The following SLCO5A1 variants were observed in gnomAD, a reference collection of about 807,000 sequenced individuals.
SLCO5A1 encodes the protein solute carrier organic anion transporter family member 5A1, also known as organic anion transporter polypeptide-related protein 4.
In SLCO5A1, 39 loss-of-function variants were observed where a neutral mutation model predicts 65.1. The observed-to-expected ratio is 0.60, with a 90% CI of 0.46 to 0.78. The LOEUF (loss-of-function observed/expected upper bound fraction) is 0.78, where lower values mean the gene tolerates loss of function less well. Ranked by LOEUF, SLCO5A1 falls within the 30% of genes least tolerant of loss-of-function variation. SLCO5A1 has a pLI of 0.00. For synonymous variants in SLCO5A1, 438 were observed against 415.7 expected (o/e 1.05, Z -0.65); for missense variants, 1,029 against 1,069.4 (o/e 0.96, Z 0.53).
chr8:69,783,417 C>T (rs1818885398), intron 2 of SLCO5A1, among the ~76,000 whole-genome samples: 2 of 151,882 alleles, frequency 1.3e-5, no homozygotes, highest in African/African-American at 2.4e-5. Flanking sequence ...AGCAAAACAC[C>T]TCATGTACTC....
At chr8:69,691,240 T>C (rs1323074117) in intron 6 of SLCO5A1, among the ~76,000 whole-genome samples, 1 of 152,176 alleles carries the variant, frequency 6.6e-6, no homozygotes, top group East Asian at 1.9e-4. Flanking sequence ...AATGTAATTA[T>C]GTGAGTTGGA....
chr8:69,692,972 C>G (rs940887929), intron 6 of SLCO5A1, among the ~76,000 whole-genome samples: 5 of 152,226 alleles, frequency 3.3e-5, no homozygotes, highest in Non-Finnish European at 7.3e-5. Context: ...GTACTCTACA[C>G]AACTACATGT....
intron 2 of SLCO5A1, among the ~76,000 whole-genome samples, chr8:69,793,568 C>T (rs912161417): frequency 6.6e-6 from 1 of 151,894 alleles, no homozygotes; most frequent in Admixed American, 6.6e-5. Context: ...CTCTTGAGGT[C>T]AGGAGTTTGA....
At chr8:69,811,908 C>T (rs1393831670) in intron 2 of SLCO5A1, among the ~76,000 whole-genome samples, 1 of 152,166 alleles carries the variant, frequency 6.6e-6, no homozygotes, top group Non-Finnish European at 1.5e-5. Flanking sequence ...GAATTCAAAC[C>T]GAGGCAGCTG....
intron 3 of SLCO5A1, among the ~76,000 whole-genome samples, chr8:69,760,435 G>A (rs1177380444): frequency 1.3e-5 from 2 of 152,096 alleles, no homozygotes; most frequent in Non-Finnish European, 2.9e-5. Context: ...AAAATCAATA[G>A]TGTTAAACAT....
intron 2 of SLCO5A1, among the ~76,000 whole-genome samples, chr8:69,823,925 T>C (rs1820756942): frequency 6.6e-6 from 1 of 151,938 alleles, no homozygotes; most frequent in Non-Finnish European, 1.5e-5. Flanking sequence ...TAACAAACTG[T>C]CTCTCAGACC....
Position 69,668,304 on chromosome 8 carries a change from C to T in SLCO5A1, c.*4565G>A, listed in dbSNP as rs1038348690. Reference sequence around the variant, plus strand: ...GAGGCAACTACCTTTGCCTGCCAGCCGCAGCACTCTCTTATTATGGAAGAG... The same window carrying T: ...GAGGCAACTACCTTTGCCTGCCAGCTGCAGCACTCTCTTATTATGGAAGAG... On this transcript the variant is annotated 3_prime_UTR_variant, in exon 10 of 10. Transcript: ENST00000260126. The T allele has an allele frequency of 6.6e-6, 1 of 152,104 alleles. No homozygotes were observed. Among genetic ancestry groups the T allele is most frequent in the Admixed American group, 6.5e-5 (1 of 15,268 alleles). The allele number at this position is 152,104 out of a possible 1,614,324, so 9.4% of individuals were successfully genotyped here. A position where few individuals can be genotyped will look rare whatever the true frequency, so the allele number is the denominator to read the frequency against.
At chr8:69,736,804 G>T (rs1012667766) in intron 5 of SLCO5A1, among the ~76,000 whole-genome samples, 1 of 152,194 alleles carries the variant, frequency 6.6e-6, no homozygotes, top group East Asian at 1.9e-4. Flanking sequence ...TTTGGGAAAT[G>T]CTGGAGACTA....
At chr8:69,829,513 C>CT (rs982949322) in intron 2 of SLCO5A1, among the ~76,000 whole-genome samples, 2 of 152,156 alleles carry the variant, frequency 1.3e-5, no homozygotes, top group African/African-American at 4.8e-5. Context: ...TGATGAAACT[C>CT]TATCTCCACA....
At chr8:69,707,540 C>T (rs190537133) in intron 5 of SLCO5A1, among the ~76,000 whole-genome samples, 27 of 152,170 alleles carry the variant, frequency 1.8e-4, no homozygotes, top group Non-Finnish European at 2.4e-4. Context: ...AAACAGAGAC[C>T]ATGAAAGACC....
chr8:69,763,967 C>T (rs1269453331), intron 2 of SLCO5A1, among the ~76,000 whole-genome samples: 2 of 152,106 alleles, frequency 1.3e-5, no homozygotes, highest in African/African-American at 4.8e-5. Context: ...CCGGTTCAAG[C>T]GATTCTCTTG....
intron 2 of SLCO5A1, among the ~76,000 whole-genome samples, chr8:69,804,085 G>A (rs2130905703): frequency 6.6e-6 from 1 of 152,280 alleles, no homozygotes; most frequent in East Asian, 1.9e-4. Flanking sequence ...AAGCAGGTTA[G>A]GAAAGAGTTG....
chr8:69,747,215 T>A (rs192839884), intron 4 of SLCO5A1, among the ~76,000 whole-genome samples: 113 of 152,326 alleles, frequency 7.4e-4, no homozygotes, highest in African/African-American at 2.6e-3. Context: ...ACCAGCGGTA[T>A]TAACCTCGTC....
At chr8:69,814,212 G>T (rs1327391395) in intron 2 of SLCO5A1, among the ~76,000 whole-genome samples, 1 of 152,092 alleles carries the variant, frequency 6.6e-6, no homozygotes, top group African/African-American at 2.4e-5. Context: ...AAAATAAAAA[G>T]CTTCTGCACA....
intron 4 of SLCO5A1, among the ~76,000 whole-genome samples, chr8:69,743,515 C>T (rs1040156191): frequency 6.6e-6 from 1 of 152,126 alleles, no homozygotes; most frequent in African/African-American, 2.4e-5. Flanking sequence ...TTTGGATGAG[C>T]AAAGCTTAAA....
chr8:69,755,452 A>G lies in SLCO5A1; in HGVS notation c.1230T>C (p.Ser410=), dbSNP rs1340382143. ...NNSEQADKKV[S]SMGFGKDVRD... is the part of the protein sequence containing the mutation. ...TGACATCCTTTCCAAATCCCATCGA[A>G]GAAACTTTTTTGTCCGCTTGTTCAC... Residue 410 remains serine (S), a synonymous_variant, in exon 4 of 10, where the codon TCT becomes TCC. Coordinates refer to ENST00000260126, the MANE Select transcript of SLCO5A1 (RefSeq NM_030958.3). 2 of 1,613,826 alleles carry G rather than the reference A, an allele frequency of 1.2e-6. No individual in the cohort carries two copies. The highest frequency in any genetic ancestry group is 2.7e-5 in the African/African-American group (2 of 74,920).
At chr8:69,830,367 AT>A (rs377167735) in intron 2 of SLCO5A1, among the ~76,000 whole-genome samples, 7 of 152,198 alleles carry the variant, frequency 4.6e-5, no homozygotes, top group African/African-American at 9.6e-5. Flanking sequence ...TATCATTTTA[AT>A]TTTTTTAAGA....
chr8:69,824,002 A>T (rs191200596), intron 2 of SLCO5A1, among the ~76,000 whole-genome samples: 5,553 of 152,240 alleles, frequency 0.036, 152 homozygotes, highest in Non-Finnish European at 0.055. Flanking sequence ...ACATGGAAAC[A>T]AAACAACCTG....
At chr8:69,817,497 A>C (rs1820454985) in intron 2 of SLCO5A1, among the ~76,000 whole-genome samples, 1 of 152,210 alleles carries the variant, frequency 6.6e-6, no homozygotes, top group Non-Finnish European at 1.5e-5. Flanking sequence ...TTTTGGATCT[A>C]TACCAGAATT....
Sources: gnomAD v4.1 joint callset for allele counts (sites outside exome capture counted in the v4.1 genomes callset) on GRCh38, gnomAD v4.1.1 for gene constraint, MANE v1.5 for transcripts, NCBI Gene and HGNC (gene_info 2026-07-23, HGNC 2026-07-21) for gene names.